Variants in PCCA observed in about 807,000 individuals in gnomAD.
PCCA encodes propionyl-CoA carboxylase subunit alpha.
In PCCA, 74 loss-of-function variants were observed where a neutral mutation model predicts 101.3. That is an observed-to-expected ratio of 0.73 (90% CI 0.61 to 0.89). The LOEUF (loss-of-function observed/expected upper bound fraction) is 0.89. Ranked by LOEUF, PCCA falls within the 40% of genes least tolerant of loss-of-function variation. The pLI, the probability that PCCA is intolerant of heterozygous loss-of-function variation, is 0.00. For synonymous variants in PCCA, 294 were observed against 313.6 expected (o/e 0.94, Z 0.66); for missense variants, 891 against 907.0 (o/e 0.98, Z 0.23).
At chr13:100,112,478 C>T (rs922751446) in intron 4 of PCCA, among the ~76,000 whole-genome samples, 4 of 149,174 alleles carry the variant, frequency 2.7e-5, no homozygotes, top group African/African-American at 9.9e-5. Flanking sequence ...GAAAGTTTGA[C>T]AAAAATGAAA....
chr13:100,387,458 G>C (rs1035197054), intron 19 of PCCA, among the ~76,000 whole-genome samples: 22 of 152,170 alleles, frequency 1.4e-4, no homozygotes, highest in African/African-American at 5.3e-4. Context: ...CTCGTCCTAA[G>C]ACATCACAAG....
chr13:100,337,510 CGTT>C (rs752432248), intron 17 of PCCA, among the ~76,000 whole-genome samples: 3 of 152,140 alleles, frequency 2.0e-5, no homozygotes, highest in Non-Finnish European at 4.4e-5. Context: ...ATGCTAAAAT[CGTT>C]GTAAGAATAG....
intron 9 of PCCA, among the ~76,000 whole-genome samples, chr13:100,260,586 A>T (rs780974711): frequency 6.6e-6 from 1 of 151,854 alleles, no homozygotes; most frequent in African/African-American, 2.4e-5. Flanking sequence ...TAGTAGAGAC[A>T]GGGTTTCACC....
At chr13:100,471,649 A>T (rs2083023998) in intron 21 of PCCA, among the ~76,000 whole-genome samples, 1 of 152,190 alleles carries the variant, frequency 6.6e-6, no homozygotes, top group Admixed American at 6.5e-5. Context: ...TTCTCTGTGG[A>T]TCTTCTCTGT....
chr13:100,212,209 A>G (rs373226159), intron 7 of PCCA, among the ~76,000 whole-genome samples: 1 of 152,222 alleles, frequency 6.6e-6, no homozygotes, highest in African/African-American at 2.4e-5. Flanking sequence ...GATTGGTACT[A>G]TAGCCCATGC....
chr13:100,278,691 G>C (rs965228711), intron 12 of PCCA, among the ~76,000 whole-genome samples: 3 of 152,106 alleles, frequency 2.0e-5, no homozygotes, highest in Non-Finnish European at 4.4e-5. Context: ...CGTTGACCAG[G>C]ATGGTCTCAG....
At chr13:100,225,923 CT>C (rs1490064579) in intron 7 of PCCA, among the ~76,000 whole-genome samples, 3 of 152,050 alleles carry the variant, frequency 2.0e-5, no homozygotes, top group Non-Finnish European at 2.9e-5. Context: ...TCTCAAGTAG[CT>C]GAGTTTACAG....
At chr13:100,409,741 A>G (rs2077916331) in intron 19 of PCCA, among the ~76,000 whole-genome samples, 1 of 152,140 alleles carries the variant, frequency 6.6e-6, no homozygotes, top group Non-Finnish European at 1.5e-5. Context: ...TGTGTCTTTT[A>G]GAGTTGGCCA....
intron 8 of PCCA, among the ~76,000 whole-genome samples, chr13:100,246,134 A>G (rs970235541): frequency 6.6e-6 from 1 of 152,174 alleles, no homozygotes; most frequent in African/African-American, 2.4e-5. Flanking sequence ...AAAGCCGAGG[A>G]CAAGTCAGCT....
At chr13:100,109,998 G>T (rs1473656219) in intron 2 of PCCA, among the ~76,000 whole-genome samples, 1 of 152,076 alleles carries the variant, frequency 6.6e-6, no homozygotes, top group Non-Finnish European at 1.5e-5. Context: ...GCCGGGCTTG[G>T]TGGTGCGCAC....
chr13:100,409,496 C>G lies in PCCA; in HGVS notation c.1747-16137C>G, dbSNP rs118137951. Among the ~76,000 whole-genome samples, 11 of 152,230 alleles carry G rather than the reference C, an allele frequency of 7.2e-5. No homozygotes were observed. The East Asian group carries it at 2.1e-3, about 29-fold the overall frequency. On this transcript the variant is annotated intron_variant, in intron 19 of 23. Coordinates refer to ENST00000376285, the MANE Select transcript of PCCA (RefSeq NM_000282.4). ...AGTTCCTGCTAGAGTGCTTCTCACC[C>G]ACAGCTTAAATTCCTACTTCCACAT...
chr13:100,341,657 T>C (rs11842591), intron 18 of PCCA, among the ~76,000 whole-genome samples: 12 of 152,150 alleles, frequency 7.9e-5, no homozygotes, highest in African/African-American at 2.9e-4. Context: ...TAGGAGAGAA[T>C]GTTGCTTTTG....
intron 9 of PCCA, among the ~76,000 whole-genome samples, chr13:100,262,344 A>G (rs1316328861): frequency 6.6e-6 from 1 of 151,998 alleles, no homozygotes; most frequent in Non-Finnish European, 1.5e-5. Flanking sequence ...CAGTGAGCTG[A>G]GATCCTGCCA....
intron 21 of PCCA, chr13:100,464,438 C>G (rs915291383): frequency 5.3e-5 from 8 of 152,110 alleles, no homozygotes; most frequent in African/African-American, 1.9e-4. Flanking sequence ...AGGCACTTGG[C>G]AAAGAATAGC....
chr13:100,309,907 A>G lies in PCCA; in HGVS notation c.1428A>G (p.Arg476=), dbSNP rs1173177271. ...ATGCACTGGATAACTATGTTATTCGAGGTAAAAACAAAGATTTGCACTCGT... is the reference window on the plus strand; with the variant it reads ...ATGCACTGGATAACTATGTTATTCGGGGTAAAAACAAAGATTTGCACTCGT... ...MADALDNYVI[R]GVTHNIALLR... Residue 476 remains arginine, a splice_region_variant and synonymous_variant, in exon 16 of 24, where the codon CGA becomes CGG. Coordinates refer to ENST00000376285, the MANE Select transcript of PCCA (RefSeq NM_000282.4). The G allele has an allele frequency of 1.2e-6, 2 of 1,605,092 alleles. No individual in the cohort carries two copies. The highest frequency in any genetic ancestry group is 2.7e-5 in the African/African-American group (2 of 74,764).
chr13:100,099,289 G>A (rs992601815), intron 1 of PCCA, among the ~76,000 whole-genome samples: 3 of 150,072 alleles, frequency 2.0e-5, no homozygotes, highest in Non-Finnish European at 4.4e-5. Flanking sequence ...GCCACATCTT[G>A]CTTATGAAAG....
intron 8 of PCCA, among the ~76,000 whole-genome samples, chr13:100,254,819 T>C (rs2152553541): frequency 6.6e-6 from 1 of 152,224 alleles, no homozygotes; most frequent in Non-Finnish European, 1.5e-5. Flanking sequence ...CAGTGGCTTA[T>C]GCCTGTAATC....
chr13:100,185,703 A>C (rs576572486), intron 6 of PCCA, among the ~76,000 whole-genome samples: 1 of 150,270 alleles, frequency 6.7e-6, no homozygotes, highest in African/African-American at 2.5e-5. Flanking sequence ...GCTGGAGTGC[A>C]ATGGTGCGAT....
Position 100,530,187 on chromosome 13 carries a change from C to T in PCCA, c.*21C>T. 6.3e-7 allele frequency: 1 copy of T among 1,589,150 alleles called. No individual in the cohort carries two copies. Among genetic ancestry groups the T allele is most frequent in the Non-Finnish European group, 8.6e-7 (1 of 1,157,414 alleles). ...AATGAAGGATTTATAACCTTTCAGT[C>T]ATCACCCAATTTAATTAGCCATTTG... On this transcript the variant is annotated 3_prime_UTR_variant, in exon 24 of 24. Transcript: ENST00000376285.
Sources: gnomAD v4.1 joint callset for allele counts (sites outside exome capture counted in the v4.1 genomes callset) on GRCh38, gnomAD v4.1.1 for gene constraint, MANE v1.5 for transcripts, NCBI Gene and HGNC (gene_info 2026-07-23, HGNC 2026-07-21) for gene names.